ANKRD12: variants seen among roughly 807,000 people sequenced by gnomAD.
ANKRD12 encodes the protein ankyrin repeat domain-containing protein 12.
In ANKRD12, 85 loss-of-function variants were observed where a neutral mutation model predicts 183.4. The observed-to-expected ratio is 0.46, with a 90% CI of 0.39 to 0.56. The LOEUF is 0.56. Among genes scored for constraint, ANKRD12 ranks in the 20% least tolerant of loss-of-function variants. The pLI, the probability that ANKRD12 is intolerant of heterozygous loss-of-function variation, is 0.00. For synonymous variants in ANKRD12, 914 were observed against 800.2 expected (o/e 1.14, Z -2.40); for missense variants, 2,405 against 2,357.1 (o/e 1.02, Z -0.42).
intron 2 of ANKRD12, among the ~76,000 whole-genome samples, chr18:9,186,953 G>A (rs551918945): frequency 7.9e-5 from 12 of 151,848 alleles, no homozygotes; most frequent in Admixed American, 2.6e-4. Context: ...GGGTTTCACC[G>A]TGTTAGCCAG....
chr18:9,210,500 C>G (rs1365479018), intron 5 of ANKRD12, among the ~76,000 whole-genome samples: 1 of 151,730 alleles, frequency 6.6e-6, no homozygotes, highest in African/African-American at 2.4e-5. Context: ...GCAGGCAGAT[C>G]ACTTGAGGCC....
chr18:9,225,604 A>G (rs9789110), intron 8 of ANKRD12, among the ~76,000 whole-genome samples: 9 of 152,144 alleles, frequency 5.9e-5, no homozygotes, highest in East Asian at 5.8e-4. Flanking sequence ...TTTGACATCA[A>G]TGTTTTCGTC....
intron 6 of ANKRD12, among the ~76,000 whole-genome samples, chr18:9,215,995 A>G (rs1567926214): frequency 6.7e-6 from 1 of 149,078 alleles, no homozygotes; most frequent in Non-Finnish European, 1.5e-5. Context: ...GAGGGTTCCA[A>G]TAATTTAAGG....
intron 3 of ANKRD12, among the ~76,000 whole-genome samples, chr18:9,197,722 A>G (rs1006415312): frequency 2.2e-4 from 33 of 152,240 alleles, no homozygotes; most frequent in East Asian, 1.9e-4. Context: ...TTAAATGGAA[A>G]TGTATCATTA....
At chr18:9,171,333 A>C (rs2032707529) in intron 1 of ANKRD12, among the ~76,000 whole-genome samples, 1 of 152,134 alleles carries the variant, frequency 6.6e-6, no homozygotes, top group South Asian at 2.1e-4. Context: ...CCAAGCATGA[A>C]ATGGATTTCT....
At chr18:9,161,630 C>T (rs1421788825) in intron 1 of ANKRD12, among the ~76,000 whole-genome samples, 1 of 151,946 alleles carries the variant, frequency 6.6e-6, no homozygotes, top group Admixed American at 6.6e-5. Flanking sequence ...CCCGCCTCGG[C>T]CTTCCAAAGT....
intron 1 of ANKRD12, among the ~76,000 whole-genome samples, chr18:9,157,639 G>A (rs1258586453): frequency 1.6e-5 from 2 of 122,470 alleles, no homozygotes; most frequent in Non-Finnish European, 3.2e-5. Flanking sequence ...GTCTTGCTCT[G>A]TCTCCCAGGC....
intron 3 of ANKRD12, among the ~76,000 whole-genome samples, chr18:9,203,309 T>C (rs1383669179): frequency 6.6e-6 from 1 of 152,182 alleles, no homozygotes; most frequent in Admixed American, 6.5e-5. Context: ...TCAAATACGA[T>C]GCTTAGGGGT....
intron 2 of ANKRD12, among the ~76,000 whole-genome samples, chr18:9,187,045 G>A (rs916119609): frequency 6.6e-6 from 1 of 152,184 alleles, no homozygotes; most frequent in Non-Finnish European, 1.5e-5. Context: ...ACAGGCGTGA[G>A]CCACTGCGCC....
intron 8 of ANKRD12, among the ~76,000 whole-genome samples, chr18:9,227,896 AACTT>A (rs1250204547): frequency 6.6e-6 from 1 of 152,154 alleles, no homozygotes; most frequent in African/African-American, 2.4e-5. Flanking sequence ...CAAACATTAG[AACTT>A]ACTTCATCTA....
intron 1 of ANKRD12, among the ~76,000 whole-genome samples, chr18:9,159,556 C>T (rs375904358): frequency 2.0e-5 from 3 of 151,752 alleles, no homozygotes; most frequent in Non-Finnish European, 2.9e-5. Context: ...CTCAGCCTCC[C>T]GAGTAGCTGG....
rs554543937 is a variant in ANKRD12 at position 9,218,876 on chromosome 18, G to C, written c.795+1976G>C. Among the ~76,000 whole-genome samples the C allele has an allele frequency of 5.3e-5, 8 of 151,942 alleles. No individual in the cohort carries two copies. The East Asian group carries it at 1.5e-3, about 29-fold the overall frequency. On this transcript the variant is annotated intron_variant, in intron 7 of 12. Coordinates refer to ENST00000262126, the MANE Select transcript of ANKRD12 (RefSeq NM_015208.5). ...TAGAGACCCTGTGTTGTTCAGGCTGGTCTTGAACTCATGAGCTCAAGCGAT... is the reference window on the plus strand; with the variant it reads ...TAGAGACCCTGTGTTGTTCAGGCTGCTCTTGAACTCATGAGCTCAAGCGAT...
intron 3 of ANKRD12, among the ~76,000 whole-genome samples, chr18:9,199,988 A>C (rs553072304): frequency 6.6e-6 from 1 of 152,240 alleles, no homozygotes; most frequent in Non-Finnish European, 1.5e-5. Flanking sequence ...TACTTTTATA[A>C]AGTCACTACT....
In ANKRD12 at chr18:9,204,512, A is replaced by G; in HGVS notation, c.272A>G (p.Glu91Gly). Residue 91 changes from glutamate to glycine, a missense_variant, in exon 4 of 13, where the codon GAG becomes GGG. Physicochemically the swap from Glu to Gly is moderately conservative, Grantham distance 98. Transcript: ENST00000262126. ...DPGHTSENWG[E>G]RLISSYRTYS... ...GGACATACAAGTGAAAATTGGGGGG[A>G]GAGACTTATATCTTCTTACAGGACA... The G allele has an allele frequency of 6.2e-7, 1 of 1,602,138 alleles. No homozygotes were observed. The highest frequency in any genetic ancestry group is 8.5e-7 in the Non-Finnish European group (1 of 1,172,156).
At chr18:9,249,221 TC>T (rs900246338) in intron 8 of ANKRD12, among the ~76,000 whole-genome samples, 4 of 152,144 alleles carry the variant, frequency 2.6e-5, no homozygotes, top group African/African-American at 9.7e-5. Context: ...ACAGAAGACT[TC>T]CAAATTCCAT....
intron 1 of ANKRD12, among the ~76,000 whole-genome samples, chr18:9,153,527 A>G (rs970542724): frequency 4.6e-5 from 7 of 152,186 alleles, no homozygotes; most frequent in African/African-American, 1.7e-4. Flanking sequence ...CAAATATTGA[A>G]TTTGTCAGGA....
At chr18:9,264,244 A>G (rs1454638568) in intron 10 of ANKRD12, among the ~76,000 whole-genome samples, 1 of 152,244 alleles carries the variant, frequency 6.6e-6, no homozygotes, top group Non-Finnish European at 1.5e-5. Context: ...CAAAATACTT[A>G]TAAAGGCTAT....
chr18:9,138,864 A>G (rs1169818008), intron 1 of ANKRD12, among the ~76,000 whole-genome samples: 1 of 152,232 alleles, frequency 6.6e-6, no homozygotes, highest in African/African-American at 2.4e-5. Context: ...TATTTGATAC[A>G]GGCACTGAAT....
intron 7 of ANKRD12, among the ~76,000 whole-genome samples, chr18:9,218,628 T>C (rs905567258): frequency 3.9e-5 from 6 of 152,126 alleles, no homozygotes; most frequent in African/African-American, 7.2e-5. Flanking sequence ...TTGACTTGTT[T>C]GTAAATGTAT....
Sources: gnomAD v4.1 joint callset for allele counts (sites outside exome capture counted in the v4.1 genomes callset) on GRCh38, gnomAD v4.1.1 for gene constraint, MANE v1.5 for transcripts, NCBI Gene and HGNC (gene_info 2026-07-23, HGNC 2026-07-21) for gene names.